The following ERAP2 variants were observed in gnomAD, a reference collection of about 807,000 sequenced individuals.
The protein encoded by ERAP2 is endoplasmic reticulum aminopeptidase 2.
In ERAP2, 118 loss-of-function variants were observed where a neutral mutation model predicts 111.1. The observed-to-expected ratio is 1.06, with a 90% CI of 0.92 to 1.24. The LOEUF (loss-of-function observed/expected upper bound fraction) is 1.24. ERAP2 is among the 50% of genes most tolerant of loss of function. The pLI is 0.00. For missense variants in ERAP2, 1,131 were observed against 1,125.8 expected, an observed-to-expected ratio of 1.00 and a Z score of -0.07; for synonymous variants, 410 against 401.2, an observed-to-expected ratio of 1.02 and a Z score of -0.26.
Position 96,891,900 on chromosome 5 carries a change from G to A in ERAP2, c.971-399G>A, listed in dbSNP as rs537039268. Among the ~76,000 whole-genome samples the A allele has an allele frequency of 8.5e-5, 13 of 152,130 alleles. No individual in the cohort carries two copies. The South Asian group carries it at 2.7e-3, about 32-fold the overall frequency. On this transcript the variant is annotated intron_variant, in intron 5 of 18. Coordinates refer to ENST00000437043, the MANE Select transcript of ERAP2 (RefSeq NM_022350.5). ...TAAAAATAAGTTCATTATACGTTTTGATGAATCTCAAACATATTAGAAATT... is the reference window on the plus strand; with the variant it reads ...TAAAAATAAGTTCATTATACGTTTTAATGAATCTCAAACATATTAGAAATT...
At chr5:96,880,292 T>G (rs762029913) in intron 2 of ERAP2, 32 bp downstream of exon 2, 3 of 1,555,692 alleles carry the variant, frequency 1.9e-6, no homozygotes, top group Admixed American at 3.8e-5. Context: ...TTACATTCTT[T>G]TGTGATAATT....
chr5:96,886,682 C>A lies in ERAP2; in HGVS notation c.742C>A (p.Leu248Ile). ...TAAGACAATTGAACTTGAAGGAGGTCTTTTGGAAGATCACTTTGAAACTAC... is the reference window on the plus strand; with the variant it reads ...TAAGACAATTGAACTTGAAGGAGGTATTTTGGAAGATCACTTTGAAACTAC... ...KVKTIELEGGLLEDHFETTVK... is the reference protein window; with the variant it reads ...KVKTIELEGGILEDHFETTVK... Residue 248 changes from leucine (L) to isoleucine (I), a missense_variant, in exon 4 of 19, where the codon CTT becomes ATT. Coordinates refer to ENST00000437043, the MANE Select transcript of ERAP2 (RefSeq NM_022350.5). 1 of 1,549,312 alleles carries A rather than the reference C, an allele frequency of 6.5e-7. No individual in the cohort carries two copies. Among genetic ancestry groups the A allele is most frequent in the African/African-American group, 1.3e-5 (1 of 74,084 alleles).
chr5:96,896,373 G>A lies in ERAP2; in HGVS notation c.1240G>A (p.Asp414Asn). ...ACTAAACATTTTTCTCCCTGTTTAG[G>A]ATGACTATTTTTTGAATGTGTGTTT... ...VNATYPELQF[D>N]DYFLNVCFEV... Residue 414 changes from aspartate (D) to asparagine (N), a missense_variant and splice_region_variant, in exon 8 of 19, where the codon GAT becomes AAT. Physicochemically the swap from Asp to Asn is conservative, Grantham distance 23. Transcript: ENST00000437043. 6.2e-7 allele frequency: 1 copy of A among 1,607,462 alleles called. No individual in the cohort carries two copies. Among genetic ancestry groups the A allele is most frequent in the Non-Finnish European group, 8.5e-7 (1 of 1,175,312 alleles).
chr5:96,889,671 G>T (rs1479568087), intron 5 of ERAP2, among the ~76,000 whole-genome samples: 2 of 152,124 alleles, frequency 1.3e-5, no homozygotes, highest in African/African-American at 4.8e-5. Flanking sequence ...GTTCAAAATA[G>T]GGGTCCACAT....
rs1156453005 is a variant in ERAP2 at position 96,879,830 on chromosome 5, G to A, written c.145G>A (p.Asp49Asn). ...GCCATCTAGTTATCACTTCACTGAGGATCCTGGGGCTTTCCCAGTAGCCAC... is the reference window on the plus strand; with the variant it reads ...GCCATCTAGTTATCACTTCACTGAGAATCCTGGGGCTTTCCCAGTAGCCAC... Reference protein sequence around the residue: ...SVPSSYHFTEDPGAFPVATNG... With the variant: ...SVPSSYHFTENPGAFPVATNG... The change falls in exon 2 of 19, where the codon GAT (aspartate) becomes AAT (asparagine). Residue 49 changes from aspartate (D) to asparagine (N), a missense_variant. Around this residue, in one of 3 missense-constraint regions of ERAP2, gnomAD observed 847 missense variants for 856.5 expected, o/e 0.99. Coordinates refer to ENST00000437043, the MANE Select transcript of ERAP2 (RefSeq NM_022350.5). 6.2e-7 allele frequency: 1 copy of A among 1,614,086 alleles called. No individual in the cohort carries two copies. Among genetic ancestry groups the A allele is most frequent in the Admixed American group, 1.7e-5 (1 of 60,010 alleles).
In ERAP2 at chr5:96,892,303, A is replaced by T; in HGVS notation, c.975A>T (p.Leu325Phe). The change falls in exon 6 of 19, where the codon TTA (leucine) becomes TTT (phenylalanine). Residue 325 changes from leucine to phenylalanine, a missense_variant. Transcript: ENST00000437043. ...DIYYPLSKLD[L>F]IAIPDFAPGA... ...ATGGTTGTTCTTATTTCTTAGATTT[A>T]ATTGCTATTCCTGACTTTGCACCTG... is the stretch of plus-strand genomic sequence containing the variant. 6.2e-7 allele frequency: 1 copy of T among 1,613,796 alleles called. No individual in the cohort carries two copies. Among genetic ancestry groups the T allele is most frequent in the Non-Finnish European group, 8.5e-7 (1 of 1,179,756 alleles).
At chr5:96,912,571 A>G in intron 15 of ERAP2, 66 bp from the exon 16 acceptor site, 1 of 1,294,396 alleles carries the variant, frequency 7.7e-7, no homozygotes. Flanking sequence ...AGGACTTAAA[A>G]TTGTCATAAG....
chr5:96,910,773 T>C (rs1786649952), intron 15 of ERAP2, among the ~76,000 whole-genome samples: 1 of 152,234 alleles, frequency 6.6e-6, no homozygotes, highest in Non-Finnish European at 1.5e-5. Context: ...CTAGTATGAA[T>C]TTTAATGAAG....
rs899166848 is a variant in ERAP2, at chr5:96,917,797, T to C, written c.*192T>C. The C allele has an allele frequency of 3.8e-5, 12 of 313,316 alleles. No homozygotes were observed. In the Admixed American group the frequency reaches 5.4e-4, roughly 14 times the overall value. The allele number at this position is 313,316 out of a possible 1,614,324, so 19.4% of individuals were successfully genotyped here. ...GGCAGGTGCCTGTAGTCCCAGCTAC[T>C]CGGCAGGCTGCAGCAGGAAAATGGC... On this transcript the variant is annotated 3_prime_UTR_variant, in exon 19 of 19. Transcript: ENST00000437043.
chr5:96,903,990 A>G (rs1785766876), intron 13 of ERAP2, among the ~76,000 whole-genome samples: 1 of 152,196 alleles, frequency 6.6e-6, no homozygotes, highest in Admixed American at 6.5e-5. Flanking sequence ...TTTCGACCCC[A>G]CATTTAAAAT....
At position 96,909,134 on chromosome 5, in the gene ERAP2, GA is replaced by G. The variant is rs1344233387; in HGVS notation, c.2169+21del. 5.0e-6 allele frequency: 8 copies of G among 1,611,640 alleles called. 1 individual carries two copies. The highest frequency in any genetic ancestry group is 3.3e-5 in the Admixed American group (2 of 59,946). ...AACCTCAAGGTTTGTGTTGCTTTTA[GA>G]AAATGTATTAAGTAAATACACAGTG... On this transcript the variant is annotated intron_variant, in intron 14 of 18. Transcript: ENST00000437043.
intron 5 of ERAP2, among the ~76,000 whole-genome samples, chr5:96,889,841 CA>C (rs1784150635): frequency 6.7e-6 from 1 of 149,156 alleles, no homozygotes; most frequent in Non-Finnish European, 1.5e-5. Flanking sequence ...TACACACACA[CA>C]CACACACACA....
In ERAP2 at chr5:96,879,695, T is replaced by C; in HGVS notation, c.10T>C (p.Ser4Pro). 1 of 1,613,072 alleles carries C rather than the reference T, an allele frequency of 6.2e-7. No homozygotes were observed. Among genetic ancestry groups the C allele is most frequent in the Non-Finnish European group, 8.5e-7 (1 of 1,179,036 alleles). The change falls in exon 2 of 19, where the codon TCT becomes CCT. Residue 4 changes from serine (S) to proline (P), a missense_variant. Ser to Pro is a moderately conservative substitution (Grantham distance 74). This residue lies in a region of ERAP2 where 847 missense variants were observed against 856.5 expected (regional missense o/e 0.99). Coordinates refer to ENST00000437043, the MANE Select transcript of ERAP2 (RefSeq NM_022350.5). ...CTAGAGAATAGATTTCATGTTCCAT[T>C]CTTCTGCAATGGTTAATTCACACAG... is the stretch of plus-strand genomic sequence containing the variant. MFH[S>P]SAMVNSHRKP...
At chr5:96,888,703 TG>T (rs1255820893) in intron 4 of ERAP2, among the ~76,000 whole-genome samples, 2 of 152,246 alleles carry the variant, frequency 1.3e-5, no homozygotes, top group Non-Finnish European at 2.9e-5. Context: ...GGGGAGCCAT[TG>T]AACATATTTG....
chr5:96,892,513 G>A (rs369938769), intron 6 of ERAP2, 60 bp downstream of exon 6: 10 of 1,581,596 alleles, frequency 6.3e-6, no homozygotes, highest in Middle Eastern at 1.7e-4. Context: ...TATAGAACAC[G>A]ACCAATCTTC....
intron 5 of ERAP2, 107 bp downstream of exon 5, chr5:96,889,412 A>G: frequency 3.2e-6 from 4 of 1,253,222 alleles, no homozygotes; most frequent in Non-Finnish European, 4.7e-6. Context: ...TGAGGAATTC[A>G]GTTAGCTCAG....
At chr5:96,878,619 C>A (rs1379827654) in intron 1 of ERAP2, among the ~76,000 whole-genome samples, 1 of 151,958 alleles carries the variant, frequency 6.6e-6, no homozygotes, top group East Asian at 1.9e-4. Context: ...CATGGTGACA[C>A]ATTGTCTTTC....
At chr5:96,899,097 C>T (rs953963878) in intron 9 of ERAP2, among the ~76,000 whole-genome samples, 1 of 152,144 alleles carries the variant, frequency 6.6e-6, no homozygotes, top group Non-Finnish European at 1.5e-5. Flanking sequence ...TTTTTTGTCA[C>T]ATCATGCTTA....
At chr5:96,885,448 G>C (rs1783624292) in intron 3 of ERAP2, among the ~76,000 whole-genome samples, 1 of 152,270 alleles carries the variant, frequency 6.6e-6, no homozygotes, top group South Asian at 2.1e-4. Context: ...TTTTCTTACA[G>C]TATTTTATCA....
Sources: allele counts gnomAD v4.1 joint callset (sites outside exome capture counted in the v4.1 genomes callset), GRCh38; gene constraint gnomAD v4.1.1; regional missense constraint gnomAD v4.1.1; transcripts MANE v1.5; gene names NCBI Gene and HGNC (gene_info 2026-07-23, HGNC 2026-07-21).